The following CCNB3 variants were observed in gnomAD, a reference collection of about 807,000 sequenced individuals.
CCNB3 encodes the protein cyclin B3, also known as G2/mitotic-specific cyclin-B3.
A neutral mutation model predicts 68.0 loss-of-function variants in CCNB3; 12 were observed. The observed-to-expected ratio is 0.18, with a 90% CI of 0.11 to 0.29. CCNB3 has a LOEUF of 0.29. CCNB3 is among the 10% of genes least tolerant of loss of function. CCNB3 has a pLI of 1.00. For synonymous variants in CCNB3, 354 were observed against 388.9 expected (o/e 0.91, Z 1.06); for missense variants, 904 against 993.1 (o/e 0.91, Z 1.21).
Position 50,294,910 on chromosome X carries a change from G to A in CCNB3, c.252G>A (p.Glu84=). The A allele has an allele frequency of 8.3e-7, 1 of 1,209,545 alleles. No homozygotes were observed. The highest frequency in any genetic ancestry group is 1.1e-6 in the Non-Finnish European group (1 of 894,176). Residue 84 remains glutamate (E), a synonymous_variant, in exon 5 of 13, where the codon GAG becomes GAA. Transcript: ENST00000376042. ...AGCCCAAGAAAGAAGCCAATAAAGA[G>A]TTTGTAAAAGTTGTTTCCAAGAAGA... The part of the protein sequence containing the change: ...PVQPKKEANK[E]FVKVVSKKIN...
At chrX:50,348,696 C>T (rs1443429796) in intron 11 of CCNB3, among the ~76,000 whole-genome samples, 2 of 112,725 alleles carry the variant, frequency 1.8e-5, no homozygotes, top group Non-Finnish European at 3.7e-5. Flanking sequence ...CACAACAACC[C>T]CACATGATAG....
chrX:50,316,502 C>G (rs1229931461), intron 8 of CCNB3, among the ~76,000 whole-genome samples: 1 of 111,586 alleles, frequency 9.0e-6, no homozygotes, highest in Non-Finnish European at 1.9e-5. Context: ...AAGAGTGTGA[C>G]AGTTCTGTGA....
intron 1 of CCNB3, among the ~76,000 whole-genome samples, chrX:50,215,078 C>T (rs940068154): frequency 9.0e-6 from 1 of 110,583 alleles, no homozygotes; most frequent in Admixed American, 9.7e-5. Flanking sequence ...CAAGCTCCGC[C>T]TCCCGGGTTC....
At chrX:50,336,040 G>A (rs782340073) in intron 8 of CCNB3, among the ~76,000 whole-genome samples, 5 of 111,556 alleles carry the variant, frequency 4.5e-5, no homozygotes, top group Non-Finnish European at 9.4e-5. Context: ...TTCAGTACCA[G>A]TATCGACCAC....
chrX:50,325,166 G>C (rs887195233), intron 8 of CCNB3, among the ~76,000 whole-genome samples: 1 of 111,232 alleles, frequency 9.0e-6, no homozygotes, highest in Non-Finnish European at 1.9e-5. Context: ...CAAAGCCTAA[G>C]AGCAGTATGG....
intron 8 of CCNB3, among the ~76,000 whole-genome samples, chrX:50,335,912 C>T (rs1387939756): frequency 1.8e-5 from 2 of 111,296 alleles, no homozygotes; most frequent in African/African-American, 6.5e-5. Context: ...ATTTCATGTC[C>T]CCCCACTGAG....
At chrX:50,226,685 A>AAT (rs1935830020) in intron 1 of CCNB3, among the ~76,000 whole-genome samples, 1 of 77,556 alleles carries the variant, frequency 1.3e-5, no homozygotes, top group African/African-American at 5.2e-5. Flanking sequence ...CATATCTATA[A>AAT]ATATATATAG....
intron 3 of CCNB3, 56 bp from the exon 4 acceptor site, chrX:50,288,724 C>T: frequency 1.1e-6 from 1 of 914,099 alleles, no homozygotes; most frequent in Non-Finnish European, 1.6e-6. Context: ...GACCCAAAGT[C>T]CCTGAAGAGA....
At chrX:50,281,963 C>T (rs928478446) in intron 1 of CCNB3, among the ~76,000 whole-genome samples, 21 of 111,234 alleles carry the variant, frequency 1.9e-4, no homozygotes, top group Non-Finnish European at 3.4e-4. Flanking sequence ...TTTCTCACCA[C>T]CCTCTGCTAC....
intron 11 of CCNB3, among the ~76,000 whole-genome samples, chrX:50,349,346 G>T (rs1479203904): frequency 2.7e-5 from 3 of 112,535 alleles, no homozygotes; most frequent in Admixed American, 9.3e-5. Context: ...GTAGATCATG[G>T]TCAGATTGTG....
rs782428089 is a variant in CCNB3, at chrX:50,294,949, A to G, written c.291A>G (p.Thr97=). Residue 97 remains threonine, a synonymous_variant, in exon 5 of 13, where the codon ACA becomes ACG. Transcript: ENST00000376042. ...TTTCCAAGAAGATAAACAGGAACAC[A>G]CATGCTCTTGGACTGGCCAAAAAGA... ...KVVSKKINRN[T]HALGLAKKNK... is the part of the protein sequence containing the mutation. 1 of 1,210,300 alleles carries G rather than the reference A, an allele frequency of 8.3e-7. No individual in the cohort carries two copies. The highest frequency in any genetic ancestry group is 1.7e-5 in the African/African-American group (1 of 57,748).
At chrX:50,221,133 T>C (rs1245388022) in intron 1 of CCNB3, among the ~76,000 whole-genome samples, 1 of 111,619 alleles carries the variant, frequency 9.0e-6, no homozygotes, top group East Asian at 2.8e-4. Context: ...CCTTTATTGT[T>C]TTTTATTGTG....
At chrX:50,205,797 T>C (rs1209403195) in intron 1 of CCNB3, among the ~76,000 whole-genome samples, 3 of 104,853 alleles carry the variant, frequency 2.9e-5, no homozygotes, top group Non-Finnish European at 3.9e-5. Flanking sequence ...CTATTAACAA[T>C]ACAAAAATTA....
In CCNB3 at chrX:50,309,500, C is replaced by T. The variant is rs782761363; in HGVS notation, c.1331C>T (p.Thr444Ile). The change falls in exon 6 of 13, where the codon ACT becomes ATT. Residue 444 changes from threonine (T) to isoleucine (I), a missense_variant. Around this residue, in one of 2 missense-constraint regions of CCNB3, gnomAD observed 619 missense variants for 609.8 expected, o/e 1.02. Transcript: ENST00000376042. ...TCTGCATTGCAAAAGAAGCACACCA[C>T]TCAGGAGGAGGTTTCCATCTTAAAG... Reference protein sequence around the residue: ...EPSALQKKHTTQEEVSILKEP... With the variant: ...EPSALQKKHTIQEEVSILKEP... The T allele has an allele frequency of 1.7e-6, 2 of 1,209,800 alleles. No individual in the cohort carries two copies. Among genetic ancestry groups the T allele is most frequent in the African/African-American group, 3.5e-5 (2 of 57,116 alleles).
At position 50,285,211 on chromosome X, in the gene CCNB3, A is replaced by G; in HGVS notation, c.48A>G (p.Lys16=). 1 of 1,210,807 alleles carries G rather than the reference A, an allele frequency of 8.3e-7. No individual in the cohort carries two copies. Among genetic ancestry groups the G allele is most frequent in the Non-Finnish European group, 1.1e-6 (1 of 894,896 alleles). Reference sequence around the variant, plus strand: ...AGAGCTCCAAACCTGTGCCTAAGAAATCTCAGTCCAGCAAAATTGTGCCCA... The same window carrying G: ...AGAGCTCCAAACCTGTGCCTAAGAAGTCTCAGTCCAGCAAAATTGTGCCCA... The part of the protein sequence containing the change: ...PPQSSKPVPK[K]SQSSKIVPSH... The change falls in exon 3 of 13, where the codon AAA becomes AAG. Residue 16 remains lysine (K), a synonymous_variant. Transcript: ENST00000376042.
intron 1 of CCNB3, among the ~76,000 whole-genome samples, chrX:50,207,062 T>G (rs1439008075): frequency 8.9e-6 from 1 of 111,967 alleles, no homozygotes; most frequent in Non-Finnish European, 1.9e-5. Context: ...ATTGGTGATT[T>G]CTCTTGACAG....
At position 50,346,797 on chromosome X, in the gene CCNB3, G is replaced by C; in HGVS notation, c.3800G>C (p.Arg1267Thr). 3 of 1,210,056 alleles carry C rather than the reference G, an allele frequency of 2.5e-6. No homozygotes were observed. Among genetic ancestry groups the C allele is most frequent in the Non-Finnish European group, 3.4e-6 (3 of 894,674 alleles). Residue 1267 changes from arginine to threonine, a missense_variant, in exon 10 of 13, where the codon AGA (arginine) becomes ACA (threonine). Coordinates refer to ENST00000376042, the MANE Select transcript of CCNB3 (RefSeq NM_033031.3). ...CCCATCGCCTACCATTTTCTGCGCAGATATGCTAGGGTAAGAGAGAAGAGA... is the reference window on the plus strand; with the variant it reads ...CCCATCGCCTACCATTTTCTGCGCACATATGCTAGGGTAAGAGAGAAGAGA... ...NIPIAYHFLR[R>T]YARCIHTNMK...
intron 1 of CCNB3, among the ~76,000 whole-genome samples, chrX:50,279,834 T>C (rs1211633755): frequency 2.3e-5 from 2 of 88,013 alleles, no homozygotes; most frequent in East Asian, 6.8e-4. Flanking sequence ...TATAAATACA[T>C]ATACTTTATA....
At chrX:50,347,604 C>G in intron 10 of CCNB3, 22 bp from the exon 11 acceptor site, 1 of 1,191,509 alleles carries the variant, frequency 8.4e-7, no homozygotes, top group Non-Finnish European at 1.1e-6. Context: ...GATTTCTGAG[C>G]CAGTCTTCTC....
Sources: gnomAD v4.1 joint callset for allele counts (sites outside exome capture counted in the v4.1 genomes callset) on GRCh38, gnomAD v4.1.1 for gene constraint, gnomAD v4.1.1 regional missense constraint, MANE v1.5 for transcripts, NCBI Gene and HGNC (gene_info 2026-07-23, HGNC 2026-07-21) for gene names.